The following SLC25A12 variants were observed in gnomAD, a reference collection of about 807,000 sequenced individuals.
SLC25A12 encodes solute carrier family 25 member 12, also known as electrogenic aspartate/glutamate antiporter SLC25A12, mitochondrial.
Under a neutral mutation model 83.3 loss-of-function variants are expected in SLC25A12, and 32 were observed. The ratio of observed to expected loss-of-function variants is 0.38; its 90% confidence interval spans 0.29 to 0.52. The LOEUF (loss-of-function observed/expected upper bound fraction) is 0.52. Among genes scored for constraint, SLC25A12 ranks in the 20% least tolerant of loss-of-function variants. SLC25A12 has a pLI of 0.84. For synonymous variants in SLC25A12, 267 were observed against 291.1 expected, an observed-to-expected ratio of 0.92 and a Z score of 0.84; for missense variants, 611 against 835.6, an observed-to-expected ratio of 0.73 and a Z score of 3.31.
rs1183302783 is a variant in SLC25A12, at chr2:171,881,730, T to A, written c.66+11475A>T. 3.3e-5 allele frequency among the ~76,000 whole-genome samples: 5 copies of A among 152,224 alleles called. 1 individual carries two copies. The South Asian group carries it at 1.0e-3, about 32-fold the overall frequency. Reference sequence around the variant, plus strand: ...GTCCTTTAAAAACAGGGATACCTTATTCATCCTCATACCTCTAGCACCTTG... The same window carrying A: ...GTCCTTTAAAAACAGGGATACCTTAATCATCCTCATACCTCTAGCACCTTG... On this transcript the variant is annotated intron_variant, in intron 2 of 17. Transcript: ENST00000422440.
At chr2:171,804,406 C>T (rs946483971) in intron 13 of SLC25A12, among the ~76,000 whole-genome samples, 7 of 152,056 alleles carry the variant, frequency 4.6e-5, no homozygotes, top group African/African-American at 1.7e-4. Context: ...TTAAAAGCAC[C>T]TGCCACCACG....
chr2:171,809,686 C>A lies in SLC25A12; in HGVS notation c.1225G>T (p.Val409Phe). ...AATTTGTCCCGAACAAAATCATTAA[C>A]CTAATTAGAAAGACAACATCAGTTA... ...VAPEKAIKLT[V>F]NDFVRDKFTR... Residue 409 changes from valine to phenylalanine, a missense_variant and splice_region_variant, in exon 13 of 18, where the codon GTT (valine) becomes TTT (phenylalanine). Val to Phe is a conservative substitution (Grantham distance 50). Transcript: ENST00000422440. 6.2e-7 allele frequency: 1 copy of A among 1,612,534 alleles called. No homozygotes were observed. The highest frequency in any genetic ancestry group is 8.5e-7 in the Non-Finnish European group (1 of 1,178,614).
At chr2:171,847,124 ACT>A (rs938380122) in intron 4 of SLC25A12, among the ~76,000 whole-genome samples, 1 of 152,042 alleles carries the variant, frequency 6.6e-6, no homozygotes, top group African/African-American at 2.4e-5. Context: ...TGGTTTATTT[ACT>A]CTGACACTTT....
chr2:171,890,007 T>G (rs1336039103), intron 2 of SLC25A12, among the ~76,000 whole-genome samples: 2 of 152,224 alleles, frequency 1.3e-5, no homozygotes, highest in Non-Finnish European at 2.9e-5. Context: ...GCCAATCTGA[T>G]TGCTCTACCA....
intron 13 of SLC25A12, among the ~76,000 whole-genome samples, chr2:171,808,463 A>T (rs1179713275): frequency 6.6e-6 from 1 of 152,192 alleles, no homozygotes; most frequent in East Asian, 1.9e-4. Context: ...AAAGAAGAAA[A>T]ATTATTATTA....
chr2:171,838,449 T>A (rs1684603107), intron 5 of SLC25A12, among the ~76,000 whole-genome samples: 1 of 147,026 alleles, frequency 6.8e-6, no homozygotes, highest in South Asian at 2.2e-4. Flanking sequence ...CTAAATAGCA[T>A]CAAAAGTAGA....
chr2:171,839,637 G>A (rs541225973), intron 5 of SLC25A12, among the ~76,000 whole-genome samples: 25 of 152,036 alleles, frequency 1.6e-4, no homozygotes, highest in Admixed American at 1.3e-3. Context: ...AAACAGAAAC[G>A]CAAGGACAAA....
At chr2:171,893,623 C>A (rs1370052527) in intron 1 of SLC25A12, among the ~76,000 whole-genome samples, 2 of 152,182 alleles carry the variant, frequency 1.3e-5, no homozygotes, top group Non-Finnish European at 2.9e-5. Context: ...GTTAAATCAC[C>A]CAAATTAATC....
At chr2:171,790,056 C>T (rs781243125) in intron 15 of SLC25A12, among the ~76,000 whole-genome samples, 3 of 152,250 alleles carry the variant, frequency 2.0e-5, no homozygotes, top group South Asian at 2.1e-4. Flanking sequence ...CAAATAAGGG[C>T]GGTAAGTTCC....
intron 13 of SLC25A12, among the ~76,000 whole-genome samples, chr2:171,797,374 C>T (rs1407264318): frequency 6.6e-6 from 1 of 152,140 alleles, no homozygotes; most frequent in Middle Eastern, 3.2e-3. Flanking sequence ...ATTAGGCACA[C>T]ATTTGATCAT....
At chr2:171,838,952 T>A (rs1684615939) in intron 5 of SLC25A12, among the ~76,000 whole-genome samples, 1 of 152,024 alleles carries the variant, frequency 6.6e-6, no homozygotes, top group African/African-American at 2.4e-5. Flanking sequence ...AAAAAGATTT[T>A]AAAAAATAAA....
chr2:171,867,210 T>C (rs1241003652), intron 3 of SLC25A12, among the ~76,000 whole-genome samples: 1 of 150,494 alleles, frequency 6.6e-6, no homozygotes, highest in African/African-American at 2.5e-5. Context: ...GCAGAGACGC[T>C]CCTCACTTCC....
chr2:171,893,752 C>A (rs12991441), intron 1 of SLC25A12, among the ~76,000 whole-genome samples: 1 of 152,050 alleles, frequency 6.6e-6, no homozygotes, highest in Admixed American at 6.5e-5. Flanking sequence ...CTTTCCATAC[C>A]CTGCAATCTG....
intron 8 of SLC25A12, among the ~76,000 whole-genome samples, chr2:171,830,767 C>A (rs1252454313): frequency 6.6e-6 from 1 of 152,206 alleles, no homozygotes; most frequent in Non-Finnish European, 1.5e-5. Context: ...CCCACCTTGG[C>A]CTCCTAAAGT....
intron 2 of SLC25A12, among the ~76,000 whole-genome samples, chr2:171,883,650 T>C (rs1431021719): frequency 6.6e-6 from 1 of 152,210 alleles, no homozygotes; most frequent in Non-Finnish European, 1.5e-5. Flanking sequence ...CTTTTCTATA[T>C]CTAAGCTTTG....
chr2:171,848,416 G>C, intron 4 of SLC25A12: 3 of 380,786 alleles, frequency 7.9e-6, no homozygotes, highest in South Asian at 5.8e-5. Flanking sequence ...CTTATTGTCA[G>C]GGGGAAAAGT....
chr2:171,798,628 C>A (rs1683647522), intron 13 of SLC25A12, among the ~76,000 whole-genome samples: 1 of 152,172 alleles, frequency 6.6e-6, no homozygotes, highest in African/African-American at 2.4e-5. Flanking sequence ...CTAGGACTGA[C>A]TCAAGAGGAA....
intron 5 of SLC25A12, among the ~76,000 whole-genome samples, chr2:171,839,838 G>A (rs1684635270): frequency 6.6e-6 from 1 of 152,146 alleles, no homozygotes; most frequent in Non-Finnish European, 1.5e-5. Flanking sequence ...TGGTGAAGGT[G>A]GAGCTGAAAA....
At chr2:171,812,325 A>G (rs538893267) in intron 11 of SLC25A12, among the ~76,000 whole-genome samples, 2 of 152,278 alleles carry the variant, frequency 1.3e-5, no homozygotes, top group East Asian at 1.9e-4. Context: ...GTCCATGAGC[A>G]TAAAGCTCTG....
Sources: allele counts gnomAD v4.1 joint callset (sites outside exome capture counted in the v4.1 genomes callset), GRCh38; gene constraint gnomAD v4.1.1; transcripts MANE v1.5; gene names NCBI Gene and HGNC (gene_info 2026-07-23, HGNC 2026-07-21).